The following PRR16 variants were observed in gnomAD, a reference collection of about 807,000 sequenced individuals.
The protein encoded by PRR16 is protein Largen.
A neutral mutation model predicts 18.2 loss-of-function variants in PRR16; 6 were observed. That is an observed-to-expected ratio of 0.33 (90% CI 0.18 to 0.65). The LOEUF is 0.65. PRR16 is among the 30% of genes least tolerant of loss of function. The probability of loss-of-function intolerance (pLI) is 0.74; values close to 1 mark genes in which losing one functional copy is unlikely to be tolerated. For missense variants in PRR16, 412 were observed against 376.6 expected, an observed-to-expected ratio of 1.09 and a Z score of -0.78; for synonymous variants, 151 against 147.8, an observed-to-expected ratio of 1.02 and a Z score of -0.16.
chr5:120,771,382 C>T, the PRR16 span, among the ~76,000 whole-genome samples: 3 of 151,928 alleles, frequency 2.0e-5, no homozygotes, highest in Non-Finnish European at 4.4e-5. Flanking sequence ...AGGTATGAGC[C>T]AGAGAATAGC....
chr5:120,773,074 G>A, the PRR16 span, among the ~76,000 whole-genome samples: 1 of 152,110 alleles, frequency 6.6e-6, no homozygotes, highest in Non-Finnish European at 1.5e-5. Context: ...ACAAAGGAAT[G>A]TAATCTGTGT....
chr5:120,575,418 TAGCAAA>T (rs1396213204), intron 1 of PRR16, among the ~76,000 whole-genome samples: 23 of 151,104 alleles, frequency 1.5e-4, no homozygotes, highest in African/African-American at 5.1e-4. Flanking sequence ...AAATACTAGC[TAGCAAA>T]CTGAATACAA....
At chr5:120,622,720 A>T (rs913199482) in intron 1 of PRR16, among the ~76,000 whole-genome samples, 1 of 151,096 alleles carries the variant, frequency 6.6e-6, no homozygotes, top group Non-Finnish European at 1.5e-5. Flanking sequence ...CTTATGATCC[A>T]CCCGCCTCAG....
At chr5:120,718,729 A>G in the PRR16 span, among the ~76,000 whole-genome samples, 1 of 152,124 alleles carries the variant, frequency 6.6e-6, no homozygotes, top group Non-Finnish European at 1.5e-5. Context: ...TGAACCTAGA[A>G]TATAATCAGG....
chr5:120,472,281 G>A (rs1002523499), intron 1 of PRR16, among the ~76,000 whole-genome samples: 2 of 152,098 alleles, frequency 1.3e-5, no homozygotes, highest in African/African-American at 2.4e-5. Flanking sequence ...CCACACAAAT[G>A]TTAACAGATA....
chr5:120,537,776 T>G (rs905156289), intron 1 of PRR16, among the ~76,000 whole-genome samples: 1 of 142,110 alleles, frequency 7.0e-6, no homozygotes, highest in South Asian at 2.3e-4. Context: ...AATGTTTTTT[T>G]TTTTTTTTTT....
At chr5:120,769,305 G>A in the PRR16 span, among the ~76,000 whole-genome samples, 20 of 151,678 alleles carry the variant, frequency 1.3e-4, no homozygotes, top group African/African-American at 4.4e-4. Flanking sequence ...GGCAATAGAC[G>A]TATACAACAC....
intron 1 of PRR16, among the ~76,000 whole-genome samples, chr5:120,519,422 G>A (rs1751101489): frequency 6.6e-6 from 1 of 152,036 alleles, no homozygotes; most frequent in South Asian, 2.1e-4. Flanking sequence ...ATTTGTGTTA[G>A]GAATCTTTAT....
At chr5:120,738,145 T>C in the PRR16 span, among the ~76,000 whole-genome samples, 1 of 152,102 alleles carries the variant, frequency 6.6e-6, no homozygotes, top group Non-Finnish European at 1.5e-5. Context: ...AGCCTGTCCA[T>C]ATAGGAAATA....
intron 1 of PRR16, among the ~76,000 whole-genome samples, chr5:120,550,088 A>G (rs191844446): frequency 6.6e-6 from 1 of 152,152 alleles, no homozygotes; most frequent in Admixed American, 6.6e-5. Context: ...AGAAAATGTG[A>G]TTCATAAAAA....
At chr5:120,685,057 C>T (rs555597407) in intron 1 of PRR16, among the ~76,000 whole-genome samples, 23 of 152,272 alleles carry the variant, frequency 1.5e-4, no homozygotes, top group African/African-American at 3.6e-4. Context: ...TTCTCCAAGG[C>T]GAGACAGCTT....
At chr5:120,706,836 C>T in the PRR16 span, among the ~76,000 whole-genome samples, 7 of 152,088 alleles carry the variant, frequency 4.6e-5, no homozygotes. Flanking sequence ...GCTGTTTTTG[C>T]CACTGCTCTA....
chr5:120,525,741 A>T (rs914289024), intron 1 of PRR16, among the ~76,000 whole-genome samples: 31 of 152,088 alleles, frequency 2.0e-4, no homozygotes, highest in African/African-American at 6.3e-4. Context: ...CAGGTAAAGA[A>T]CATGTCAGTG....
chr5:120,601,273 G>A (rs1345931803), intron 1 of PRR16, among the ~76,000 whole-genome samples: 1 of 151,948 alleles, frequency 6.6e-6, no homozygotes, highest in African/African-American at 2.4e-5. Context: ...CCTTCTGAGT[G>A]GTGGGAGATG....
At chr5:120,534,732 G>C (rs1751660820) in intron 1 of PRR16, among the ~76,000 whole-genome samples, 1 of 152,114 alleles carries the variant, frequency 6.6e-6, no homozygotes, top group African/African-American at 2.4e-5. Context: ...TCTTAAAACA[G>C]ATCTTTATAA....
chr5:120,764,571 TTGGCGAGG>T, the PRR16 span, among the ~76,000 whole-genome samples: 5 of 152,058 alleles, frequency 3.3e-5, no homozygotes, highest in African/African-American at 1.2e-4. Flanking sequence ...TCAAAACTAG[TTGGCGAGG>T]TGGCCTATTA....
intron 1 of PRR16, among the ~76,000 whole-genome samples, chr5:120,645,708 A>G (rs909389026): frequency 6.6e-6 from 1 of 152,146 alleles, no homozygotes; most frequent in South Asian, 2.1e-4. Flanking sequence ...TCAAAAGCCC[A>G]ATTATTTTCT....
At chr5:120,609,629 G>A (rs1266223699) in intron 1 of PRR16, among the ~76,000 whole-genome samples, 16 of 152,120 alleles carry the variant, frequency 1.1e-4, no homozygotes, top group Admixed American at 1.0e-3. Flanking sequence ...GGTGAAATCT[G>A]AAACACTTAC....
chr5:120,521,936 C>T (rs1751195404), intron 1 of PRR16, among the ~76,000 whole-genome samples: 1 of 152,074 alleles, frequency 6.6e-6, no homozygotes, highest in Non-Finnish European at 1.5e-5. Context: ...GTTTTCTGTC[C>T]TTGCAATAAT....
Sources: gnomAD v4.1 joint callset for allele counts (sites outside exome capture counted in the v4.1 genomes callset) on GRCh38, gnomAD v4.1.1 for gene constraint, MANE v1.5 for transcripts, NCBI Gene and HGNC (gene_info 2026-07-23, HGNC 2026-07-21) for gene names.